The following TULP4 variants were observed in gnomAD, a reference collection of about 807,000 sequenced individuals.
TULP4 encodes the protein tubby-related protein 4.
TULP4 carries 16 observed loss-of-function variants against 129.0 expected under a neutral mutation model. The ratio of observed to expected loss-of-function variants is 0.12; its 90% confidence interval spans 0.08 to 0.19. The LOEUF (loss-of-function observed/expected upper bound fraction) is 0.19, where lower values mean the gene tolerates loss of function less well. Among genes scored for constraint, TULP4 ranks in the 10% least tolerant of loss-of-function variants. TULP4 has a pLI of 1.00. For synonymous variants in TULP4, 998 were observed against 854.0 expected (o/e 1.17, Z -2.94); for missense variants, 1,842 against 2,059.1 (o/e 0.89, Z 2.04).
intron 11 of TULP4, among the ~76,000 whole-genome samples, chr6:158,497,780 C>G (rs995748918): frequency 6.6e-6 from 1 of 152,198 alleles, no homozygotes; most frequent in Admixed American, 6.5e-5. Flanking sequence ...GGGCCAGCCC[C>G]GCAAAGATGC....
chr6:158,240,303 C>A (rs1327510526), intron 1 of TULP4, among the ~76,000 whole-genome samples: 1 of 84,850 alleles, frequency 1.2e-5, no homozygotes. Flanking sequence ...CGGGCAGAGG[C>A]GCCCCTCACC....
intron 1 of TULP4, among the ~76,000 whole-genome samples, chr6:158,240,293 C>T (rs1395559940): frequency 8.9e-5 from 7 of 79,068 alleles, no homozygotes; most frequent in Admixed American, 1.3e-4. Flanking sequence ...TAGGGGTGGC[C>T]GGGCAGAGGC....
chr6:158,359,211 C>T (rs1267726808), intron 1 of TULP4, among the ~76,000 whole-genome samples: 1 of 152,030 alleles, frequency 6.6e-6, no homozygotes, highest in Non-Finnish European at 1.5e-5. Context: ...GTGGTCTCTA[C>T]TGATGGAATT....
intron 1 of TULP4, among the ~76,000 whole-genome samples, chr6:158,356,583 G>A (rs1412645731): frequency 6.6e-6 from 1 of 152,140 alleles, no homozygotes; most frequent in Admixed American, 6.5e-5. Context: ...CAGAAAAATG[G>A]GCAGTTAGGT....
At chr6:158,465,459 G>A (rs1779533991) in intron 6 of TULP4, among the ~76,000 whole-genome samples, 2 of 152,088 alleles carry the variant, frequency 1.3e-5, no homozygotes, top group Admixed American at 6.5e-5. Context: ...TGTGAACATG[G>A]GTGTACAGAT....
At chr6:158,425,620 G>T (rs1024488228) in intron 2 of TULP4, among the ~76,000 whole-genome samples, 4 of 145,654 alleles carry the variant, frequency 2.7e-5, no homozygotes, top group Non-Finnish European at 4.5e-5. Context: ...GTTTTGTTTT[G>T]TTTTTTTGAG....
intron 1 of TULP4, among the ~76,000 whole-genome samples, chr6:158,349,696 CCT>C (rs1474237459): frequency 2.9e-5 from 4 of 136,806 alleles, no homozygotes; most frequent in Admixed American, 7.1e-5. Flanking sequence ...CAGAGGTGCT[CCT>C]CACTTCCCAG....
intron 7 of TULP4, 33 bp downstream of exon 7, chr6:158,480,008 C>T (rs2085647825): frequency 6.6e-7 from 1 of 1,524,822 alleles, no homozygotes; most frequent in East Asian, 2.3e-5. Flanking sequence ...CTTCCTCCTC[C>T]CTCACCTGTG....
chr6:158,506,534 T>C (rs760057955), intron 13 of TULP4, 44 bp from the exon 14 acceptor site: 2 of 1,385,668 alleles, frequency 1.4e-6, no homozygotes, highest in Admixed American at 1.7e-5. Context: ...CCTGGCCTTT[T>C]CACCTTATTC....
At chr6:158,277,267 GTC>G (rs1359768703), upstream of TULP4, among the ~76,000 whole-genome samples, 2 of 152,216 alleles carry the variant, frequency 1.3e-5, no homozygotes, top group Non-Finnish European at 2.9e-5. Flanking sequence ...TGCTAGGTCT[GTC>G]TCTTGGTCTT....
intron 1 of TULP4, among the ~76,000 whole-genome samples, chr6:158,362,117 TAA>T (rs1440225988): frequency 6.6e-6 from 1 of 152,210 alleles, no homozygotes; most frequent in African/African-American, 2.4e-5. Context: ...GTCCTGTGTC[TAA>T]AAATACACTG....
intron 1 of TULP4, among the ~76,000 whole-genome samples, chr6:158,331,221 C>A (rs2128491970): frequency 6.6e-6 from 1 of 152,236 alleles, no homozygotes; most frequent in Middle Eastern, 3.4e-3. Context: ...CCAGTCTTTT[C>A]TATGATGGTT....
chr6:158,308,087 A>G (rs1583725945), upstream of TULP4, among the ~76,000 whole-genome samples: 1 of 137,864 alleles, frequency 7.3e-6, no homozygotes, highest in South Asian at 2.6e-4. Context: ...TAGTGGAGGG[A>G]AGGTCAGCAG....
At chr6:158,463,669 A>T (rs536041259) in intron 6 of TULP4, among the ~76,000 whole-genome samples, 145 of 140,570 alleles carry the variant, frequency 1.0e-3, no homozygotes, top group Admixed American at 3.4e-3. Flanking sequence ...TATATATATA[A>T]AAAGAAAAAA....
In TULP4 at chr6:158,508,270, G is replaced by A. The variant is rs980250636; in HGVS notation, c.*1576G>A. The A allele has an allele frequency of 3.9e-5, 6 of 152,180 alleles. No individual in the cohort carries two copies. The highest frequency in any genetic ancestry group is 1.3e-4 in the Admixed American group (2 of 15,280). 9.4% of individuals were successfully genotyped at this position (152,180 alleles called of 1,614,324 possible). ...AGGAGCACAGGAACTATCTGCTGGC[G>A]TTGGGTTCCAAATTTGCATTTTATT... On this transcript the variant is annotated 3_prime_UTR_variant, in exon 14 of 14. Coordinates refer to ENST00000367097, the MANE Select transcript of TULP4 (RefSeq NM_020245.5).
rs150275139 is a variant in TULP4, at chr6:158,372,040, C to T, written c.253-41025C>T. On this transcript the variant is annotated intron_variant, in intron 1 of 13. Coordinates refer to ENST00000367097, the MANE Select transcript of TULP4 (RefSeq NM_020245.5). ...ATGTCGCCCAGGCTGGTCTCAAACT[C>T]CTAGGCTCAAGCGATCTGCCCACCT... is the stretch of plus-strand genomic sequence containing the variant. Among the ~76,000 whole-genome samples, 999 of 151,684 alleles carry T rather than the reference C, an allele frequency of 6.6e-3. 18 individuals are homozygous for T. Among genetic ancestry groups the T allele is most frequent in the African/African-American group, 0.023 (946 of 41,294 alleles).
Position 158,364,399 on chromosome 6 carries a change from C to T in TULP4, c.253-48666C>T, listed in dbSNP as rs1165447181. Reference sequence around the variant, plus strand: ...TAGCTTACTGTATCACCTTCTTTCCCTTTGGGTTTTTATTATTTTTATTGA... The same window carrying T: ...TAGCTTACTGTATCACCTTCTTTCCTTTTGGGTTTTTATTATTTTTATTGA... On this transcript the variant is annotated intron_variant, in intron 1 of 13. Transcript: ENST00000367097. 2.6e-5 allele frequency among the ~76,000 whole-genome samples: 4 copies of T among 152,098 alleles called. No homozygotes were observed. The South Asian group carries it at 8.3e-4, about 32-fold the overall frequency.
chr6:158,390,662 G>A (rs1056082655), intron 1 of TULP4, among the ~76,000 whole-genome samples: 9 of 152,302 alleles, frequency 5.9e-5, no homozygotes, highest in African/African-American at 1.9e-4. Flanking sequence ...ATCGAACGAA[G>A]CCTGTGTACC....
chr6:158,260,575 C>CAA (rs71729689), intron 1 of TULP4, among the ~76,000 whole-genome samples: 1,450 of 116,590 alleles, frequency 0.012, 18 homozygotes, highest in African/African-American at 0.022. Flanking sequence ...GACTCTGTCT[C>CAA]AAAAAAAAAA....
Sources: gnomAD v4.1 joint callset for allele counts (sites outside exome capture counted in the v4.1 genomes callset) on GRCh38, gnomAD v4.1.1 for gene constraint, MANE v1.5 for transcripts, NCBI Gene and HGNC (gene_info 2026-07-23, HGNC 2026-07-21) for gene names.